The following CACNB4 variants were observed in gnomAD, a reference collection of about 807,000 sequenced individuals.
The protein encoded by CACNB4 is calcium voltage-gated channel auxiliary subunit beta 4, also known as voltage-dependent L-type calcium channel subunit beta-4.
In CACNB4, 32 loss-of-function variants were observed where a neutral mutation model predicts 71.2. That is an observed-to-expected ratio of 0.45 (90% CI 0.34 to 0.60). The LOEUF (loss-of-function observed/expected upper bound fraction) is 0.60. Among genes scored for constraint, CACNB4 ranks in the 20% least tolerant of loss-of-function variants. CACNB4 has a pLI of 0.01. For synonymous variants in CACNB4, 231 were observed against 236.9 expected (o/e 0.97, Z 0.23); for missense variants, 464 against 647.9 (o/e 0.72, Z 3.08).
chr2:152,007,569 G>A (rs1432461121), intron 2 of CACNB4, among the ~76,000 whole-genome samples: 1 of 152,174 alleles, frequency 6.6e-6, no homozygotes, highest in African/African-American at 2.4e-5. Context: ...TTCAAGGCTG[G>A]ATAGTATTCT....
At chr2:151,969,483 T>C (rs549882559) in intron 2 of CACNB4, 9 of 152,236 alleles carry the variant, frequency 5.9e-5, no homozygotes, top group Non-Finnish European at 8.8e-5. Context: ...GAGGCTGCTT[T>C]GCCTTTCAAC....
intron 2 of CACNB4, among the ~76,000 whole-genome samples, chr2:152,029,983 T>A (rs1684191781): frequency 1.3e-5 from 2 of 152,192 alleles, no homozygotes; most frequent in Admixed American, 1.3e-4. Flanking sequence ...ACTAATACAG[T>A]CATGCATCAT....
At chr2:152,088,667 T>C (rs186193612) in intron 2 of CACNB4, among the ~76,000 whole-genome samples, 9 of 152,280 alleles carry the variant, frequency 5.9e-5, no homozygotes, top group Admixed American at 5.2e-4. Context: ...AGTGAGATGA[T>C]CAGAAAAATT....
chr2:151,842,098 A>G lies in CACNB4; in HGVS notation c.1117-10T>C. 2 of 1,612,422 alleles carry G rather than the reference A, an allele frequency of 1.2e-6. No individual in the cohort carries two copies. The highest frequency in any genetic ancestry group is 8.5e-7 in the Non-Finnish European group (1 of 1,178,754). On this transcript the variant is annotated splice_polypyrimidine_tract_variant and intron_variant, in intron 12 of 13. Transcript: ENST00000539935. ...TAACATCAAACATTTCCTGTAGATG[A>G]CAAGAAAATCCACTTTACTTCCATT...
At chr2:151,979,796 T>G (rs951956836) in intron 2 of CACNB4, among the ~76,000 whole-genome samples, 1 of 152,190 alleles carries the variant, frequency 6.6e-6, no homozygotes, top group Non-Finnish European at 1.5e-5. Flanking sequence ...AAGGAGATGG[T>G]TGCAATCAAA....
At chr2:152,026,008 C>T (rs1483741115) in intron 2 of CACNB4, among the ~76,000 whole-genome samples, 2 of 152,174 alleles carry the variant, frequency 1.3e-5, no homozygotes, top group African/African-American at 4.8e-5. Context: ...CACAGGGCGC[C>T]CCCTGCAGGT....
At chr2:151,988,850 G>T (rs954796068) in intron 2 of CACNB4, among the ~76,000 whole-genome samples, 1 of 152,160 alleles carries the variant, frequency 6.6e-6, no homozygotes, top group Non-Finnish European at 1.5e-5. Context: ...ACTGGGGAGA[G>T]GGAGGCATAA....
At chr2:152,021,482 T>C (rs1683665423) in intron 2 of CACNB4, among the ~76,000 whole-genome samples, 1 of 152,210 alleles carries the variant, frequency 6.6e-6, no homozygotes, top group Non-Finnish European at 1.5e-5. Context: ...CATCAACCCA[T>C]AATCTCTTAA....
chr2:151,885,895 A>C (rs1282660837), intron 2 of CACNB4, among the ~76,000 whole-genome samples: 2 of 152,194 alleles, frequency 1.3e-5, no homozygotes, highest in Non-Finnish European at 2.9e-5. Flanking sequence ...TTCTCTCAGA[A>C]TACACCTTTT....
chr2:151,885,225 G>A (rs1399003924), intron 2 of CACNB4, among the ~76,000 whole-genome samples: 1 of 152,240 alleles, frequency 6.6e-6, no homozygotes, highest in Non-Finnish European at 1.5e-5. Flanking sequence ...GGACCACTCT[G>A]AGACAGTCTT....
chr2:151,884,922 C>A (rs1007599742), intron 2 of CACNB4, among the ~76,000 whole-genome samples: 30 of 152,312 alleles, frequency 2.0e-4, no homozygotes, highest in African/African-American at 6.5e-4. Context: ...ATCCATATAG[C>A]TGAGAATCTG....
intron 3 of CACNB4, among the ~76,000 whole-genome samples, chr2:151,882,181 CTTTTTTTT>C (rs35206904): frequency 5.9e-5 from 3 of 50,794 alleles, no homozygotes; most frequent in Admixed American, 2.7e-4. Flanking sequence ...ACCGGCCCCT[CTTTTTTTT>C]TTTTTTTTTT....
At chr2:152,067,000 G>A (rs1450947148) in intron 2 of CACNB4, among the ~76,000 whole-genome samples, 2 of 123,184 alleles carry the variant, frequency 1.6e-5, no homozygotes, top group African/African-American at 3.1e-5. Context: ...GTTTTGGGGT[G>A]GGGGGAGGGG....
At chr2:152,019,511 G>C (rs1224740697) in intron 2 of CACNB4, among the ~76,000 whole-genome samples, 1 of 152,142 alleles carries the variant, frequency 6.6e-6, no homozygotes, top group Non-Finnish European at 1.5e-5. Flanking sequence ...GGGTGGATGG[G>C]TGGGTGGGCA....
At chr2:151,924,379 T>C (rs2099859716) in intron 2 of CACNB4, among the ~76,000 whole-genome samples, 1 of 151,650 alleles carries the variant, frequency 6.6e-6, no homozygotes, top group African/African-American at 2.4e-5. Context: ...TATAGAAAAT[T>C]GATTCTGAAA....
intron 2 of CACNB4, among the ~76,000 whole-genome samples, chr2:151,943,540 G>A (rs771506925): frequency 4.6e-5 from 7 of 152,082 alleles, no homozygotes; most frequent in Non-Finnish European, 7.4e-5. Context: ...AACTATCCAA[G>A]TACAGTCATG....
At chr2:152,002,582 T>C (rs761133662) in intron 2 of CACNB4, among the ~76,000 whole-genome samples, 18 of 152,250 alleles carry the variant, frequency 1.2e-4, no homozygotes, top group African/African-American at 3.9e-4. Flanking sequence ...AACTAACTAA[T>C]TGTTGCCTTG....
chr2:152,099,061 T>G, upstream of CACNB4: 1 of 1,337,616 alleles, frequency 7.5e-7, no homozygotes, highest in Non-Finnish European at 1.0e-6. Context: ...CGGAGGGGGC[T>G]GGCCCCCGAG....
At chr2:151,968,737 C>CAT in intron 2 of CACNB4, 1 of 152,234 alleles carries the variant, frequency 6.6e-6, no homozygotes, top group Admixed American at 6.5e-5. Flanking sequence ...TGAGTACATA[C>CAT]AAAGGGAGTC....
Sources: gnomAD v4.1 joint callset for allele counts (sites outside exome capture counted in the v4.1 genomes callset) on GRCh38, gnomAD v4.1.1 for gene constraint, MANE v1.5 for transcripts, NCBI Gene and HGNC (gene_info 2026-07-23, HGNC 2026-07-21) for gene names.